The following MMS22L variants were observed in gnomAD, a reference collection of about 807,000 sequenced individuals.
MMS22L encodes MMS22 like, DNA repair protein.
In MMS22L, 74 loss-of-function variants were observed where a neutral mutation model predicts 159.1. That is an observed-to-expected ratio of 0.47 (90% CI 0.39 to 0.56). The LOEUF is 0.56. Among genes scored for constraint, MMS22L ranks in the 20% least tolerant of loss-of-function variants. The pLI is 0.00. For synonymous variants in MMS22L, 517 were observed against 506.9 expected (o/e 1.02, Z -0.27); for missense variants, 1,351 against 1,422.1 (o/e 0.95, Z 0.80).
chr6:97,234,621 C>G (rs1184068186), intron 11 of MMS22L, among the ~76,000 whole-genome samples: 1 of 152,082 alleles, frequency 6.6e-6, no homozygotes, highest in Non-Finnish European at 1.5e-5. Context: ...CATAGGACAA[C>G]AAGTAAGTCA....
At chr6:97,151,453 A>G (rs1248662658) in intron 23 of MMS22L, 2 of 306,292 alleles carry the variant, frequency 6.5e-6, no homozygotes, top group Non-Finnish European at 1.3e-5. Flanking sequence ...TGATGGTCAC[A>G]CAATGGTGAA....
intron 14 of MMS22L, among the ~76,000 whole-genome samples, chr6:97,222,840 C>G (rs1274585868): frequency 6.6e-6 from 1 of 152,024 alleles, no homozygotes; most frequent in Admixed American, 6.5e-5. Flanking sequence ...TCAACTATAG[C>G]AGCATGAATG....
intron 14 of MMS22L, among the ~76,000 whole-genome samples, chr6:97,192,754 G>A (rs577824239): frequency 2.0e-5 from 3 of 152,264 alleles, no homozygotes; most frequent in Middle Eastern, 3.4e-3. Context: ...ATTAGGGTTG[G>A]CCAGAGAATT....
intron 13 of MMS22L, 38 bp downstream of exon 13, chr6:97,231,388 T>C (rs778840553): frequency 1.4e-6 from 2 of 1,416,716 alleles, no homozygotes; most frequent in Non-Finnish European, 1.0e-6. Context: ...TATCCAAAGA[T>C]ATCAGTGCAC....
chr6:97,195,488 T>A (rs1806394396), intron 14 of MMS22L, among the ~76,000 whole-genome samples: 2 of 152,184 alleles, frequency 1.3e-5, no homozygotes, highest in Non-Finnish European at 2.9e-5. Flanking sequence ...CCACTTTGAT[T>A]ATAATAGAGA....
chr6:97,254,845 T>C lies in MMS22L; in HGVS notation c.943-112A>G, dbSNP rs902710320. 4 of 778,302 alleles carry C rather than the reference T, an allele frequency of 5.1e-6. No individual in the cohort carries two copies. The African/African-American group carries it at 5.3e-5, about 10-fold the overall frequency. 48.2% of individuals were successfully genotyped at this position (778,302 alleles called of 1,614,324 possible). A position where few individuals can be genotyped will look rare whatever the true frequency, so the allele number is the denominator to read the frequency against. Reference sequence around the variant, plus strand: ...ATATATACAAAAGACAAAACACATATATAAAACTGAAATAATAAAAATGCC... The same window carrying C: ...ATATATACAAAAGACAAAACACATACATAAAACTGAAATAATAAAAATGCC... On this transcript the variant is annotated intron_variant, in intron 9 of 24. Transcript: ENST00000683635.
chr6:97,227,198 G>A (rs949784119), intron 14 of MMS22L, among the ~76,000 whole-genome samples: 1 of 151,946 alleles, frequency 6.6e-6, no homozygotes, highest in African/African-American at 2.4e-5. Context: ...TATGTAAGAA[G>A]CAATATAATT....
At chr6:97,264,535 C>T (rs1222636202) in intron 8 of MMS22L, 1 of 151,888 alleles carries the variant, frequency 6.6e-6, no homozygotes, top group Admixed American at 6.6e-5. Context: ...TAGGATGTTA[C>T]TAGAAATCCT....
At chr6:97,169,777 ACTG>A (rs1206253130) in intron 19 of MMS22L, among the ~76,000 whole-genome samples, 3 of 152,156 alleles carry the variant, frequency 2.0e-5, no homozygotes, top group African/African-American at 7.2e-5. Context: ...TGTAAGGGGA[ACTG>A]CTATCATCAC....
intron 17 of MMS22L, among the ~76,000 whole-genome samples, chr6:97,178,881 C>CAA (rs769251698): frequency 6.6e-6 from 1 of 151,902 alleles, no homozygotes; most frequent in Non-Finnish European, 1.5e-5. Flanking sequence ...CAAGTGGCCA[C>CAA]AAACAATAGC....
rs1489863248 is a variant in MMS22L at position 97,190,089 on chromosome 6, A to C, written c.2040-3399T>G. 2.6e-5 allele frequency among the ~76,000 whole-genome samples: 4 copies of C among 152,336 alleles called. No homozygotes were observed. In the East Asian group the frequency reaches 7.7e-4, roughly 29 times the overall value. ...AAACTAATTATACAGACTACTGAAA[A>C]ATAAATTATATTAGATGTGACCACT... is the stretch of plus-strand genomic sequence containing the variant. On this transcript the variant is annotated intron_variant, in intron 14 of 24. Coordinates refer to ENST00000683635, the MANE Select transcript of MMS22L (RefSeq NM_001350599.2).
Position 97,201,394 on chromosome 6 carries a change from T to C in MMS22L, c.2040-14704A>G, listed in dbSNP as rs117232162. Among the ~76,000 whole-genome samples the C allele has an allele frequency of 8.0e-3, 1,221 of 152,270 alleles. 9 individuals carry two copies. The highest frequency in any genetic ancestry group is 0.013 in the Non-Finnish European group (908 of 68,024). On this transcript the variant is annotated intron_variant, in intron 14 of 24. Coordinates refer to ENST00000683635, the MANE Select transcript of MMS22L (RefSeq NM_001350599.2). The stretch of plus-strand genomic sequence containing the variant: ...TCTTACTCTTCCCAGCATTTGGTAA[T>C]ATAGACAGTGGAGCTAATTTTCTGT...
At chr6:97,151,954 A>G (rs1801364237) in intron 22 of MMS22L, 87 bp from the exon 23 acceptor site, 7 of 976,408 alleles carry the variant, frequency 7.2e-6, no homozygotes, top group South Asian at 4.6e-5. Flanking sequence ...ATTTAGAAAA[A>G]TATGTTGTTT....
intron 11 of MMS22L, among the ~76,000 whole-genome samples, chr6:97,239,408 T>C (rs1037483711): frequency 6.6e-6 from 1 of 152,236 alleles, no homozygotes; most frequent in Non-Finnish European, 1.5e-5. Context: ...CTTTCTCATA[T>C]GAAAACAATA....
In MMS22L at chr6:97,264,548, C is replaced by T. The variant is rs139212264; in HGVS notation, c.829-1100G>A. On this transcript the variant is annotated intron_variant, in intron 8 of 24. Transcript: ENST00000683635. ...ATTAGGATGTTACTAGAAATCCTAG[C>T]CACAGCAATTATGCAAAAGAAAGAA... The T allele has an allele frequency of 1.0e-3, 157 of 151,914 alleles. 1 individual carries two copies. The highest frequency in any genetic ancestry group is 3.5e-3 in the African/African-American group (147 of 41,458). 9.4% of individuals were successfully genotyped at this position (151,914 alleles called of 1,614,324 possible).
Position 97,162,114 on chromosome 6 carries a change from G to T in MMS22L, c.3273C>A (p.Ser1091=), listed in dbSNP as rs779311334. The change falls in exon 22 of 25, where the codon TCC becomes TCA. Residue 1091 remains serine (S), a synonymous_variant. Transcript: ENST00000683635. Reference sequence around the variant, plus strand: ...AGAGTTGGAGGATGAAGGCCAGAATGGATGCTAAGCGAGGAGGAGGTGAGG... The same window carrying T: ...AGAGTTGGAGGATGAAGGCCAGAATTGATGCTAAGCGAGGAGGAGGTGAGG... ...KGSSPPPRLA[S]ILAFILQLFK... 1.2e-5 allele frequency: 19 copies of T among 1,611,216 alleles called. No homozygotes were observed. The highest frequency in any genetic ancestry group is 1.6e-5 in the Non-Finnish European group (19 of 1,178,794).
chr6:97,241,332 T>C (rs919651342), intron 11 of MMS22L, among the ~76,000 whole-genome samples: 4 of 152,238 alleles, frequency 2.6e-5, no homozygotes, highest in African/African-American at 9.6e-5. Context: ...ATGGCACTGA[T>C]AGATCAAATG....
intron 4 of MMS22L, among the ~76,000 whole-genome samples, chr6:97,274,883 C>T (rs1367290722): frequency 6.6e-6 from 1 of 152,080 alleles, no homozygotes; most frequent in Non-Finnish European, 1.5e-5. Flanking sequence ...CAAGTTCTCA[C>T]CAGCAAGCAT....
chr6:97,232,636 T>G (rs1455549217), intron 12 of MMS22L, among the ~76,000 whole-genome samples: 1 of 152,126 alleles, frequency 6.6e-6, no homozygotes, highest in Admixed American at 6.5e-5. Flanking sequence ...ATTTGATACC[T>G]TTCCTGCTTT....
Sources: gnomAD v4.1 joint callset for allele counts (sites outside exome capture counted in the v4.1 genomes callset) on GRCh38, gnomAD v4.1.1 for gene constraint, MANE v1.5 for transcripts, NCBI Gene and HGNC (gene_info 2026-07-23, HGNC 2026-07-21) for gene names.